Variants in KCNQ2 observed in about 807,000 individuals in gnomAD.
KCNQ2 encodes the protein potassium voltage-gated channel subfamily Q member 2.
KCNQ2 carries 14 observed loss-of-function variants against 84.8 expected under a neutral mutation model. The observed-to-expected ratio is 0.17, with a 90% confidence interval of 0.11 to 0.26. KCNQ2 has a LOEUF of 0.26. Ranked by LOEUF, KCNQ2 falls within the 10% of genes least tolerant of loss-of-function variation. The pLI is 1.00. For missense variants in KCNQ2, 788 were observed against 1,254.0 expected (o/e 0.63, Z 5.61); for synonymous variants, 599 against 554.1 (o/e 1.08, Z -1.14).
chr20:63,456,727 G>C (rs956340125), intron 1 of KCNQ2, among the ~76,000 whole-genome samples: 15 of 152,314 alleles, frequency 9.8e-5, no homozygotes, highest in African/African-American at 3.1e-4. Context: ...AGAGGCCCAC[G>C]TGCGGATTGG....
chr20:63,445,392 T>C (rs769238122), intron 2 of KCNQ2, 28 bp from the exon 3 acceptor site: 10 of 1,611,588 alleles, frequency 6.2e-6, no homozygotes, highest in Middle Eastern at 1.6e-4. Flanking sequence ...TGAGGCCACC[T>C]TGAGGCCTGG....
chr20:63,432,394 A>T (rs1276010813), intron 8 of KCNQ2, among the ~76,000 whole-genome samples: 57 of 95,246 alleles, frequency 6.0e-4, no homozygotes, highest in East Asian at 1.8e-3. Context: ...GGCCCCACCC[A>T]CAGGGAAGGC....
rs1260593444 is a variant in KCNQ2, at chr20:63,431,355, G to A, written c.1133C>T (p.Thr378Ile). 6.2e-7 allele frequency: 1 copy of A among 1,613,820 alleles called. No individual in the cohort carries two copies. Among genetic ancestry groups the A allele is most frequent in the Non-Finnish European group, 8.5e-7 (1 of 1,179,922 alleles). ...TVPMYSSQTQ[T>I]YGASRLIPPL... ...CATTTCCTACCTGGAGGCCCCGTAG[G>A]TTTGAGTTTGCGAACTTTCAAGTGT... Residue 378 changes from threonine to isoleucine, a missense_variant, in exon 9 of 17, where the codon ACC becomes ATC. Coordinates refer to ENST00000359125, the MANE Select transcript of KCNQ2 (RefSeq NM_172107.4).
At chr20:63,454,979 C>T (rs923669803) in intron 1 of KCNQ2, among the ~76,000 whole-genome samples, 2 of 152,218 alleles carry the variant, frequency 1.3e-5, no homozygotes, top group Non-Finnish European at 2.9e-5. Context: ...ACACAGCCCA[C>T]CACGGGGCAC....
At chr20:63,411,501 A>C (rs778547831) in intron 15 of KCNQ2, among the ~76,000 whole-genome samples, 2 of 152,102 alleles carry the variant, frequency 1.3e-5, no homozygotes, top group Admixed American at 1.3e-4. Context: ...CCCAGAGGGA[A>C]ATCTCACAGG....
intron 1 of KCNQ2, chr20:63,470,721 G>C (rs2082195853): frequency 6.6e-6 from 1 of 152,290 alleles, no homozygotes; most frequent in Admixed American, 6.5e-5. Context: ...CCTTGGGCAG[G>C]GACCTGGCTG....
intron 1 of KCNQ2, chr20:63,453,850 G>C (rs1202169581): frequency 6.6e-6 from 1 of 152,216 alleles, no homozygotes; most frequent in Non-Finnish European, 1.5e-5. Context: ...CCGAGGATGA[G>C]GCTGACCAGA....
chr20:63,442,953 TCACCATCACCAC>T (rs2081255754), intron 4 of KCNQ2, among the ~76,000 whole-genome samples: 1 of 21,866 alleles, frequency 4.6e-5, no homozygotes, highest in Admixed American at 5.1e-4. Flanking sequence ...ATCACCATCA[TCACCATCACCAC>T]CACCACCACC....
intron 7 of KCNQ2, chr20:63,437,243 G>A (rs904792813): frequency 9.9e-5 from 15 of 152,232 alleles, no homozygotes; most frequent in African/African-American, 3.4e-4. Flanking sequence ...GCTGCTAAGA[G>A]TGACCTTCGA....
chr20:63,419,555 T>C, intron 12 of KCNQ2, 64 bp downstream of exon 12: 1 of 1,507,656 alleles, frequency 6.6e-7, no homozygotes, highest in East Asian at 2.3e-5. Context: ...GAACCTCTAG[T>C]AAGCAGGGAG....
intron 1 of KCNQ2, chr20:63,471,570 G>A (rs1314427780): frequency 6.5e-6 from 1 of 153,108 alleles, no homozygotes; most frequent in African/African-American, 2.4e-5. Flanking sequence ...GAGCTGAGGG[G>A]GTTCGCGGGG....
intron 1 of KCNQ2, chr20:63,453,597 G>C (rs966527256): frequency 6.6e-6 from 1 of 152,542 alleles, no homozygotes; most frequent in African/African-American, 2.4e-5. Flanking sequence ...TGGGAGGCAG[G>C]AGGGGCGCCG....
At chr20:63,454,251 T>G (rs967392828) in intron 1 of KCNQ2, among the ~76,000 whole-genome samples, 18 of 152,170 alleles carry the variant, frequency 1.2e-4, no homozygotes, top group Admixed American at 2.6e-4. Flanking sequence ...AGACCCTGCA[T>G]GAAGGAAGCA....
Position 63,414,813 on chromosome 20 carries a change from A to C in KCNQ2, c.1525+90T>G. Reference sequence around the variant, plus strand: ...TCCCACTCCAAGAGCAAGCAAAAGCAGCTGCGACGCCACAGGGTGGCCACA... The same window carrying C: ...TCCCACTCCAAGAGCAAGCAAAAGCCGCTGCGACGCCACAGGGTGGCCACA... On this transcript the variant is annotated intron_variant, in intron 13 of 16. Transcript: ENST00000359125. The surrounding 1 kb of genome is among the most constrained non-coding windows in gnomAD (Gnocchi z 6.6). 3.1e-6 allele frequency: 4 copies of C among 1,276,348 alleles called. No homozygotes were observed. The highest frequency in any genetic ancestry group is 4.6e-6 in the Non-Finnish European group (4 of 878,562). 79.1% of individuals were successfully genotyped at this position (1,276,348 alleles called of 1,614,324 possible).
Position 63,438,609 on chromosome 20 carries a change from G to A in KCNQ2, c.1023+16C>T, listed in dbSNP as rs1320729956. On this transcript the variant is annotated intron_variant, in intron 7 of 16. Coordinates refer to ENST00000359125, the MANE Select transcript of KCNQ2 (RefSeq NM_172107.4). The surrounding 1 kb of genome is among the most constrained non-coding windows in gnomAD (Gnocchi z 5.1). Reference sequence around the variant, plus strand: ...GACAAGGGCTGTGCTGGTCCCCGGGGGACACCTGGACTCACCTGGATCAGG... The same window carrying A: ...GACAAGGGCTGTGCTGGTCCCCGGGAGACACCTGGACTCACCTGGATCAGG... 5 of 1,609,240 alleles carry A rather than the reference G, an allele frequency of 3.1e-6. No homozygotes were observed. The East Asian group carries it at 8.9e-5, about 29-fold the overall frequency.
rs1334180664 is a variant in KCNQ2 at position 63,407,139 on chromosome 20, G to C, written c.2124C>G (p.Pro708=). Reference sequence around the variant, plus strand: ...AGGTGGAGGGCGGACACTGGACAGGGGGCGCGGCCGGGGGCGCCGAGAAGT... The same window carrying C: ...AGGTGGAGGGCGGACACTGGACAGGCGGCGCGGCCGGGGGCGCCGAGAAGT... ...QKNFSAPPAA[P]PVQCPPSTSW... The change falls in exon 17 of 17, where the codon CCC becomes CCG. Residue 708 remains proline, a synonymous_variant. Coordinates refer to ENST00000359125, the MANE Select transcript of KCNQ2 (RefSeq NM_172107.4). The surrounding 1 kb of genome is among the most constrained non-coding windows in gnomAD (Gnocchi z 7.2). The C allele has an allele frequency of 1.7e-5, 26 of 1,568,724 alleles. No individual in the cohort carries two copies. The highest frequency in any genetic ancestry group is 2.1e-5 in the Non-Finnish European group (24 of 1,160,946).
intron 14 of KCNQ2, 87 bp downstream of exon 14, chr20:63,413,998 CCAG>C: frequency 1.0e-6 from 1 of 993,582 alleles, no homozygotes; most frequent in Non-Finnish European, 1.6e-6. Flanking sequence ...GCGGCTCTGT[CCAG>C]CACCATGAGC....
chr20:63,443,261 A>T (rs1371567253), intron 4 of KCNQ2, among the ~76,000 whole-genome samples: 2 of 57,058 alleles, frequency 3.5e-5, no homozygotes, highest in African/African-American at 1.5e-4. Context: ...CACCATCGCC[A>T]CCATCATCAC....
chr20:63,429,745 C>T (rs560969624), intron 9 of KCNQ2, among the ~76,000 whole-genome samples: 2 of 152,324 alleles, frequency 1.3e-5, no homozygotes, highest in South Asian at 2.1e-4. Context: ...CTTCGTCCAG[C>T]CACACTCCTC....
Sources: allele counts gnomAD v4.1 joint callset (sites outside exome capture counted in the v4.1 genomes callset), GRCh38; gene constraint gnomAD v4.1.1; non-coding constraint Gnocchi (gnomAD v3.1); transcripts MANE v1.5; gene names NCBI Gene and HGNC (gene_info 2026-07-23, HGNC 2026-07-21).